The following SYTL5 variants were observed in gnomAD, a reference collection of about 807,000 sequenced individuals.
SYTL5 encodes synaptotagmin-like protein 5.
In SYTL5, 34 loss-of-function variants were observed where a neutral mutation model predicts 55.9. The ratio of observed to expected loss-of-function variants is 0.61; its 90% CI spans 0.46 to 0.81. SYTL5 has a LOEUF of 0.81. SYTL5 is among the 30% of genes least tolerant of loss of function. SYTL5 has a pLI of 0.00. For missense variants in SYTL5, 637 were observed against 546.7 expected, an observed-to-expected ratio of 1.17 and a Z score of -1.65; for synonymous variants, 221 against 188.7, an observed-to-expected ratio of 1.17 and a Z score of -1.40.
chrX:38,050,589 C>A (rs1337058583), intron 2 of SYTL5, among the ~76,000 whole-genome samples: 2 of 110,008 alleles, frequency 1.8e-5, no homozygotes, highest in Non-Finnish European at 3.8e-5. Context: ...AAAACCTTCC[C>A]TGGGCAAGCA....
intron 6 of SYTL5, among the ~76,000 whole-genome samples, chrX:38,081,279 A>G (rs1265362742): frequency 8.9e-6 from 1 of 111,855 alleles, no homozygotes; most frequent in Non-Finnish European, 1.9e-5. Context: ...GCAATTCGCA[A>G]AACCATGGTG....
upstream of SYTL5, among the ~76,000 whole-genome samples, chrX:38,003,617 G>A (rs1422688428): frequency 2.7e-5 from 3 of 111,751 alleles, no homozygotes; most frequent in Non-Finnish European, 5.7e-5. Context: ...CTCATGGGTA[G>A]GAAGAATATA....
At chrX:37,968,425 TTTG>T in the SYTL5 span, among the ~76,000 whole-genome samples, 1 of 111,169 alleles carries the variant, frequency 9.0e-6, no homozygotes, top group Non-Finnish European at 1.9e-5. Context: ...GTGAAAAGGG[TTTG>T]AAAGGGGGTT....
intron 3 of SYTL5, 99 bp downstream of exon 3, chrX:38,054,521 A>C (rs1398896047): frequency 1.1e-5 from 9 of 826,792 alleles, no homozygotes; most frequent in Non-Finnish European, 1.5e-5. Context: ...GTTTAAGGAT[A>C]GAGAGTGCAG....
the SYTL5 span, among the ~76,000 whole-genome samples, chrX:37,889,173 C>T: frequency 2.7e-5 from 3 of 111,784 alleles, no homozygotes; most frequent in African/African-American, 9.8e-5. Flanking sequence ...GCAGACCATG[C>T]GAGTAGCAAG....
At chrX:38,017,699 A>G (rs972415160) in intron 1 of SYTL5, among the ~76,000 whole-genome samples, 3 of 106,813 alleles carry the variant, frequency 2.8e-5, no homozygotes, top group Admixed American at 9.9e-5. Flanking sequence ...CTCCAGACCA[A>G]CTCAAAATTA....
chrX:38,098,236 A>G (rs1348021176), intron 9 of SYTL5, among the ~76,000 whole-genome samples: 1 of 111,363 alleles, frequency 9.0e-6, no homozygotes, highest in African/African-American at 3.2e-5. Flanking sequence ...TTCAAAAGAC[A>G]CCACTACAGA....
chrX:37,922,906 ATAC>A, the SYTL5 span, among the ~76,000 whole-genome samples: 1 of 111,718 alleles, frequency 9.0e-6, no homozygotes, highest in Non-Finnish European at 1.9e-5. Flanking sequence ...GTTCTCCATG[ATAC>A]TACTACCTCT....
At chrX:37,914,057 T>C in the SYTL5 span, among the ~76,000 whole-genome samples, 1 of 111,970 alleles carries the variant, frequency 8.9e-6, no homozygotes, top group Non-Finnish European at 1.9e-5. Context: ...AAGATGAAAA[T>C]ACATCATGAG....
the SYTL5 span, among the ~76,000 whole-genome samples, chrX:37,928,657 T>C: frequency 3.6e-5 from 4 of 112,082 alleles, no homozygotes; most frequent in Non-Finnish European, 7.5e-5. Flanking sequence ...CATCATAGGA[T>C]TGTATAAGAC....
chrX:38,084,767 A>C (rs1817252324), intron 6 of SYTL5, among the ~76,000 whole-genome samples: 1 of 111,398 alleles, frequency 9.0e-6, no homozygotes, highest in Admixed American at 9.6e-5. Flanking sequence ...TGTGGTCCAT[A>C]TGATCTCTGT....
the SYTL5 span, among the ~76,000 whole-genome samples, chrX:37,929,571 G>A: frequency 1.8e-5 from 2 of 111,910 alleles, no homozygotes; most frequent in African/African-American, 6.5e-5. Flanking sequence ...AAGTGAAGAA[G>A]GTACCATGCA....
At chrX:37,964,855 A>G in the SYTL5 span, among the ~76,000 whole-genome samples, 1 of 110,630 alleles carries the variant, frequency 9.0e-6, no homozygotes, top group Admixed American at 9.7e-5. Context: ...TTATCCTTCT[A>G]GTTTATCCAG....
At chrX:38,051,083 C>T (rs781092690) in intron 2 of SYTL5, among the ~76,000 whole-genome samples, 4 of 111,128 alleles carry the variant, frequency 3.6e-5, no homozygotes, top group Non-Finnish European at 7.5e-5. Context: ...GAAGGCATTC[C>T]CAGCTGAAGA....
chrX:37,953,668 A>T, the SYTL5 span, among the ~76,000 whole-genome samples: 1 of 111,111 alleles, frequency 9.0e-6, no homozygotes, highest in Admixed American at 9.6e-5. Context: ...TACAAAATAA[A>T]CCTGAGGGAA....
At chrX:38,120,288 T>C in intron 13 of SYTL5, 70 bp from the exon 14 acceptor site, 1 of 758,103 alleles carries the variant, frequency 1.3e-6, no homozygotes, top group South Asian at 2.2e-5. Context: ...ATATTGCACA[T>C]TCAAATGTGG....
chrX:37,965,139 C>T, the SYTL5 span, among the ~76,000 whole-genome samples: 5 of 110,776 alleles, frequency 4.5e-5, no homozygotes, highest in Non-Finnish European at 7.6e-5. Context: ...TCTAGTTCCT[C>T]GAGGTGTAAA....
the SYTL5 span, among the ~76,000 whole-genome samples, chrX:37,932,069 A>G: frequency 8.9e-6 from 1 of 112,327 alleles, no homozygotes; most frequent in Non-Finnish European, 1.9e-5. Context: ...ATTGAATATT[A>G]TTTTTAAAAG....
Position 38,127,986 on chromosome X carries a change from GC to G in SYTL5, c.*1257del, listed in dbSNP as rs1179315709. On this transcript the variant is annotated 3_prime_UTR_variant, in exon 17 of 17. Coordinates refer to ENST00000297875, the MANE Select transcript of SYTL5 (RefSeq NM_138780.3). ...GAAGTCAGAGGGCCAAGATGAAGAG[GC>G]AGGGAAATATGCACTGCCCACAGTG... 1.8e-5 allele frequency: 2 copies of G among 112,152 alleles called. No individual in the cohort carries two copies. The highest frequency in any genetic ancestry group is 6.5e-5 in the African/African-American group (2 of 30,829). The allele number at this position is 112,152 out of a possible 1,213,427, so 9.2% of individuals were successfully genotyped here.
Sources: allele counts gnomAD v4.1 joint callset (sites outside exome capture counted in the v4.1 genomes callset), GRCh38; gene constraint gnomAD v4.1.1; transcripts MANE v1.5; gene names NCBI Gene and HGNC (gene_info 2026-07-23, HGNC 2026-07-21).